Variants in GRK7 observed in about 807,000 individuals in gnomAD.
The protein encoded by GRK7 is G protein-coupled receptor kinase 7, also known as rhodopsin kinase GRK7.
In GRK7, 24 loss-of-function variants were observed where a neutral mutation model predicts 34.1. The observed-to-expected ratio is 0.70, with a 90% confidence interval of 0.51 to 0.99. The LOEUF (loss-of-function observed/expected upper bound fraction) is 0.99, where lower values mean the gene tolerates loss of function less well. GRK7 is among the 50% of genes least tolerant of loss of function. GRK7 has a pLI of 0.00. For synonymous variants in GRK7, 256 were observed against 279.4 expected, an observed-to-expected ratio of 0.92 and a Z score of 0.84; for missense variants, 644 against 707.3, an observed-to-expected ratio of 0.91 and a Z score of 1.02.
In GRK7 at chr3:141,816,729, T is replaced by C. The variant is rs888391365; in HGVS notation, c.1341T>C (p.Asp447=). The C allele has an allele frequency of 1.3e-6, 2 of 1,534,198 alleles. No individual in the cohort carries two copies. Among genetic ancestry groups the C allele is most frequent in the Non-Finnish European group, 1.8e-6 (2 of 1,141,536 alleles). Residue 447 remains aspartate (D), a synonymous_variant, in exon 6 of 6, where the codon GAT becomes GAC. Coordinates refer to ENST00000682958, the MANE Select transcript of GRK7 (RefSeq NM_139209.3). ...TTCTTCACAGAGAAAAGTCTGATGA[T>C]CCCAGGAAACATCATTTCTTTAAAA... The part of the protein sequence containing the change: ...QRLGSREKSD[D]PRKHHFFKTI...
intron 4 of GRK7, 22 bp from the exon 5 acceptor site, chr3:141,807,623 T>A (rs781674398): frequency 6.2e-7 from 1 of 1,609,482 alleles, no homozygotes; most frequent in Non-Finnish European, 8.5e-7. Context: ...TGTTGTCTTG[T>A]TTTTTGTTTG....
At chr3:141,794,878 GACTTAGA>G (rs1276452388) in intron 4 of GRK7, among the ~76,000 whole-genome samples, 1 of 152,150 alleles carries the variant, frequency 6.6e-6, no homozygotes. Context: ...CACAAGCACA[GACTTAGA>G]CCCTGAGTAC....
At chr3:141,813,673 A>G (rs9819102) in intron 5 of GRK7, among the ~76,000 whole-genome samples, 70,263 of 152,038 alleles carry the variant, frequency 0.46, 17,657 homozygotes, top group Middle Eastern at 0.63. Context: ...CCTTTCTGGA[A>G]GTGGGTAGGG....
intron 4 of GRK7, among the ~76,000 whole-genome samples, chr3:141,793,064 C>T (rs1352910500): frequency 6.6e-6 from 1 of 152,228 alleles, no homozygotes; most frequent in Non-Finnish European, 1.5e-5. Flanking sequence ...ACTTGGGACC[C>T]TTCCAGACTT....
Position 141,778,919 on chromosome 3 carries a change from G to C in GRK7, c.612+23G>C, listed in dbSNP as rs1034234897. The stretch of plus-strand genomic sequence containing the variant: ...GAGGTAAGTGTCTCCCAGTAGCCAG[G>C]CTAGAAGGTGAAGCATAGAGCATGA... On this transcript the variant is annotated intron_variant, in intron 3 of 5. Coordinates refer to ENST00000682958, the MANE Select transcript of GRK7 (RefSeq NM_139209.3). The surrounding 1 kb of genome is among the most constrained non-coding windows in gnomAD (Gnocchi z 4.1). 2.5e-6 allele frequency: 4 copies of C among 1,585,190 alleles called. No homozygotes were observed. In the Admixed American group the frequency reaches 7.4e-5, roughly 29 times the overall value.
the GRK7 span, among the ~76,000 whole-genome samples, chr3:141,756,748 T>C: frequency 6.6e-6 from 1 of 152,116 alleles, no homozygotes; most frequent in Non-Finnish European, 1.5e-5. Context: ...AAATGGAAAA[T>C]AAAAGAAAAT....
At position 141,807,715 on chromosome 3, in the gene GRK7, G is replaced by T. The variant is rs1711050197; in HGVS notation, c.1121G>T (p.Trp374Leu). 1.2e-6 allele frequency: 2 copies of T among 1,613,840 alleles called. No individual in the cohort carries two copies. Among genetic ancestry groups the T allele is most frequent in the African/African-American group, 2.7e-5 (2 of 74,932 alleles). ...GTAAGTTATTCCTATCCTGTGGACT[G>T]GTTTGCCATGGGATGCAGCATTTAT... is the stretch of plus-strand genomic sequence containing the variant. The part of the protein sequence containing the change: ...EKVSYSYPVD[W>L]FAMGCSIYEM... The change falls in exon 5 of 6, where the codon TGG (tryptophan) becomes TTG (leucine). Residue 374 changes from tryptophan to leucine, a missense_variant. Trp to Leu is a moderately conservative substitution (Grantham distance 61). Coordinates refer to ENST00000682958, the MANE Select transcript of GRK7 (RefSeq NM_139209.3).
Position 141,778,167 on chromosome 3 carries a change from C to T in GRK7, c.-113-5C>T. 7.6e-7 allele frequency: 1 copy of T among 1,315,252 alleles called. No individual in the cohort carries two copies. Among genetic ancestry groups the T allele is most frequent in the Non-Finnish European group, 1.0e-6 (1 of 958,304 alleles). The allele number at this position is 1,315,252 out of a possible 1,614,324, so 81.5% of individuals were successfully genotyped here. On this transcript the variant is annotated splice_region_variant and splice_polypyrimidine_tract_variant and intron_variant, in intron 2 of 5. Coordinates refer to ENST00000682958, the MANE Select transcript of GRK7 (RefSeq NM_139209.3). This position sits in a 1 kb window ranked among gnomAD's most constrained non-coding sequence, Gnocchi z 4.1. Reference sequence around the variant, plus strand: ...TTTCACACCCTCCACGGGTCCCACCCACAGGCCACAGGACTCACTGTAAAT... The same window carrying T: ...TTTCACACCCTCCACGGGTCCCACCTACAGGCCACAGGACTCACTGTAAAT...
chr3:141,771,221 G>A (rs1305597566), intron 1 of GRK7, among the ~76,000 whole-genome samples: 1 of 152,150 alleles, frequency 6.6e-6, no homozygotes, highest in Non-Finnish European at 1.5e-5. Flanking sequence ...GCACGTGTGT[G>A]TGTGTGTGTG....
intron 2 of GRK7, among the ~76,000 whole-genome samples, chr3:141,777,714 G>A (rs987218371): frequency 4.6e-5 from 7 of 151,756 alleles, no homozygotes; most frequent in East Asian, 1.9e-4. Flanking sequence ...AGGGCCTCTG[G>A]GAACACATCT....
chr3:141,776,575 C>G (rs1054009423), intron 2 of GRK7, among the ~76,000 whole-genome samples: 1 of 152,200 alleles, frequency 6.6e-6, no homozygotes, highest in Non-Finnish European at 1.5e-5. Context: ...GATCGCCCAT[C>G]TCCACGGCAG....
intron 4 of GRK7, among the ~76,000 whole-genome samples, chr3:141,785,875 G>C (rs147357107): frequency 4.5e-4 from 68 of 151,736 alleles, no homozygotes; most frequent in African/African-American, 1.5e-3. Flanking sequence ...GGAGTTCAAG[G>C]CTTCAGTGAG....
At chr3:141,786,245 A>G (rs2084695611) in intron 4 of GRK7, among the ~76,000 whole-genome samples, 1 of 152,210 alleles carries the variant, frequency 6.6e-6, no homozygotes, top group African/African-American at 2.4e-5. Context: ...GGAAAAAAAT[A>G]TTGATGAGGA....
chr3:141,804,186 G>A (rs1337292352), intron 4 of GRK7, among the ~76,000 whole-genome samples: 2 of 152,042 alleles, frequency 1.3e-5, no homozygotes, highest in Non-Finnish European at 2.9e-5. Context: ...TGCACCTTCA[G>A]CTTGCACACC....
chr3:141,778,194 C>T lies in GRK7; in HGVS notation c.-91C>T, dbSNP rs571411294. The T allele has an allele frequency of 2.0e-6, 3 of 1,473,938 alleles. No individual in the cohort carries two copies. The highest frequency in any genetic ancestry group is 1.4e-5 in the African/African-American group (1 of 70,836). The allele number at this position is 1,473,938 out of a possible 1,614,324, so 91.3% of individuals were successfully genotyped here. A position where few individuals can be genotyped will look rare whatever the true frequency, so the allele number is the denominator to read the frequency against. On this transcript the variant is annotated 5_prime_UTR_variant, in exon 3 of 6. Transcript: ENST00000682958. This position sits in a 1 kb window ranked among gnomAD's most constrained non-coding sequence, Gnocchi z 4.1. ...CAGGCCACAGGACTCACTGTAAATC[C>T]CTTGGACGTTGTCTCACCCGGGAAG...
At chr3:141,803,405 G>A (rs1284395099) in intron 4 of GRK7, among the ~76,000 whole-genome samples, 3 of 149,458 alleles carry the variant, frequency 2.0e-5, no homozygotes, top group East Asian at 3.9e-4. Flanking sequence ...CACTCCAGAC[G>A]GCGACAGATG....
chr3:141,780,335 T>C, intron 3 of GRK7, 39 bp from the exon 4 acceptor site: 7 of 1,558,586 alleles, frequency 4.5e-6, no homozygotes, highest in Non-Finnish European at 6.1e-6. Context: ...CAGTACCATC[T>C]ACTTCTACCT....
intron 5 of GRK7, 120 bp from the exon 6 acceptor site, chr3:141,816,594 A>G (rs1711155841): frequency 1.8e-6 from 1 of 556,172 alleles, no homozygotes; most frequent in African/African-American, 1.9e-5. Context: ...ATGTTATTAT[A>G]TTGTCTTTGC....
chr3:141,754,999 A>G, the GRK7 span, among the ~76,000 whole-genome samples: 2 of 152,238 alleles, frequency 1.3e-5, no homozygotes, highest in Admixed American at 6.5e-5. Context: ...CTCAAAATAT[A>G]ACTACGTATG....
Sources: allele counts gnomAD v4.1 joint callset (sites outside exome capture counted in the v4.1 genomes callset), GRCh38; gene constraint gnomAD v4.1.1; non-coding constraint Gnocchi (gnomAD v3.1); transcripts MANE v1.5; gene names NCBI Gene and HGNC (gene_info 2026-07-23, HGNC 2026-07-21).